COLQ: variants seen among roughly 807,000 people sequenced by gnomAD.
COLQ encodes the protein acetylcholinesterase collagenic tail peptide.
COLQ carries 48 observed loss-of-function variants against 69.0 expected under a neutral mutation model. The observed-to-expected ratio is 0.70, with a 90% CI of 0.55 to 0.88. The LOEUF (loss-of-function observed/expected upper bound fraction) is 0.88, where lower values mean the gene tolerates loss of function less well. Among genes scored for constraint, COLQ ranks in the 40% least tolerant of loss-of-function variants. COLQ has a pLI of 0.00. For synonymous variants in COLQ, 217 were observed against 211.2 expected, an observed-to-expected ratio of 1.03 and a Z score of -0.24; for missense variants, 618 against 594.6, an observed-to-expected ratio of 1.04 and a Z score of -0.41.
At position 15,497,132 on chromosome 3, in the gene COLQ, C is replaced by T. The variant is rs545685326; in HGVS notation, c.107-7495G>A. Among the ~76,000 whole-genome samples, 8 of 151,498 alleles carry T rather than the reference C, an allele frequency of 5.3e-5. 1 individual carries two copies. In the South Asian group the frequency reaches 1.3e-3, roughly 24 times the overall value. On this transcript the variant is annotated intron_variant, in intron 1 of 16. Transcript: ENST00000383788. The stretch of plus-strand genomic sequence containing the variant: ...GTTCTCAGCCCACTGCAACCTCCGC[C>T]TCCAGGGTTCAAGCCACTCTCATGC...
intron 12 of COLQ, among the ~76,000 whole-genome samples, chr3:15,460,665 G>A (rs2062098993): frequency 6.6e-6 from 1 of 152,208 alleles, no homozygotes; most frequent in Admixed American, 6.5e-5. Context: ...ACAGCATGAG[G>A]GGAAGGGCAC....
At position 15,482,578 on chromosome 3, in the gene COLQ, T is replaced by C. The variant is rs1268676919; in HGVS notation, c.322-3196A>G. Among the ~76,000 whole-genome samples the C allele has an allele frequency of 2.0e-5, 3 of 152,358 alleles. No homozygotes were observed. In the East Asian group the frequency reaches 5.8e-4, roughly 29 times the overall value. On this transcript the variant is annotated intron_variant, in intron 3 of 16. Coordinates refer to ENST00000383788, the MANE Select transcript of COLQ (RefSeq NM_005677.4). ...ATGAAGCCCACTTGATCATGGTGGATAAGCTTTTTGATGTGCTGCTGGATT... is the reference window on the plus strand; with the variant it reads ...ATGAAGCCCACTTGATCATGGTGGACAAGCTTTTTGATGTGCTGCTGGATT...
intron 1 of COLQ, among the ~76,000 whole-genome samples, chr3:15,510,176 A>C (rs940216033): frequency 7.5e-5 from 11 of 147,056 alleles, no homozygotes; most frequent in Non-Finnish European, 1.2e-4. Flanking sequence ...ACTCTGTCTA[A>C]AAAAAAAAAA....
At position 15,476,234 on chromosome 3, in the gene COLQ, A is replaced by G. The variant is rs73146149; in HGVS notation, c.466-747T>C. Among the ~76,000 whole-genome samples the G allele has an allele frequency of 5.1e-3, 782 of 152,348 alleles. 5 individuals carry two copies. Among genetic ancestry groups the G allele is most frequent in the African/African-American group, 0.017 (717 of 41,578 alleles). ...TATTTAATCTGTACTTAGAGATCAT[A>G]AAATTTATAGTTGAAAAAGCAGATT... On this transcript the variant is annotated intron_variant, in intron 6 of 16. Transcript: ENST00000383788.
At chr3:15,471,896 A>G (rs1446155981) in intron 10 of COLQ, among the ~76,000 whole-genome samples, 1 of 151,910 alleles carries the variant, frequency 6.6e-6, no homozygotes, top group Non-Finnish European at 1.5e-5. Context: ...AGATGCTTGC[A>G]GTTTTTCCCT....
intron 1 of COLQ, among the ~76,000 whole-genome samples, chr3:15,501,760 C>T (rs942797223): frequency 1.3e-5 from 2 of 152,228 alleles, no homozygotes; most frequent in Non-Finnish European, 1.5e-5. Context: ...CCTGGTCTGC[C>T]TTCAGCAAGA....
chr3:15,467,871 T>C, intron 11 of COLQ: 1 of 456,780 alleles, frequency 2.2e-6, no homozygotes, highest in Non-Finnish European at 4.4e-6. Context: ...CACATGGCAC[T>C]GGGGGCCGTC....
At chr3:15,456,127 G>C (rs2062021377) in intron 14 of COLQ, 108 bp from the exon 15 acceptor site, 1 of 1,308,766 alleles carries the variant, frequency 7.6e-7, no homozygotes, top group East Asian at 2.4e-5. Context: ...GGCATGCCTT[G>C]ACTTCCTCCC....
chr3:15,479,093 G>C lies in COLQ; in HGVS notation c.367-90C>G, dbSNP rs2062431873. 14 of 1,515,620 alleles carry C rather than the reference G, an allele frequency of 9.2e-6. 1 individual carries two copies. Among genetic ancestry groups the C allele is most frequent in the Non-Finnish European group, 1.3e-5 (14 of 1,090,914 alleles). 93.9% of individuals were successfully genotyped at this position (1,515,620 alleles called of 1,614,324 possible). ...TTAGTAGAGCTGATGACTGGGCATG[G>C]CCATGTGGCTCAGTTGCTTGGCTGC... On this transcript the variant is annotated intron_variant, in intron 4 of 16. Coordinates refer to ENST00000383788, the MANE Select transcript of COLQ (RefSeq NM_005677.4).
chr3:15,509,910 C>A (rs375326201), intron 1 of COLQ, among the ~76,000 whole-genome samples: 1 of 152,130 alleles, frequency 6.6e-6, no homozygotes, highest in Non-Finnish European at 1.5e-5. Flanking sequence ...CGGTGGCTCA[C>A]GCCTGTAATC....
chr3:15,467,813 G>T (rs2062222179), intron 11 of COLQ: 2 of 455,272 alleles, frequency 4.4e-6, no homozygotes, highest in South Asian at 3.1e-5. Flanking sequence ...AGGCAGGCTT[G>T]GGACTCCTTT....
At chr3:15,489,250 T>C (rs1041903039) in intron 2 of COLQ, among the ~76,000 whole-genome samples, 16 of 152,328 alleles carry the variant, frequency 1.1e-4, no homozygotes, top group African/African-American at 3.9e-4. Flanking sequence ...ATTCACCTCA[T>C]GGTTTTTGAG....
chr3:15,486,771 C>T lies in COLQ; in HGVS notation c.321+1435G>A, dbSNP rs1312547692. ...AATTACGGAGAACCTATACCAACCC[C>T]GTGCACTGTTGTAGACAGGGAATAT... On this transcript the variant is annotated intron_variant, in intron 3 of 16. Transcript: ENST00000383788. 2.6e-5 allele frequency among the ~76,000 whole-genome samples: 4 copies of T among 152,170 alleles called. No homozygotes were observed. In the East Asian group the frequency reaches 5.8e-4, roughly 22 times the overall value.
At chr3:15,503,482 C>T (rs1174708770) in intron 1 of COLQ, among the ~76,000 whole-genome samples, 1 of 152,058 alleles carries the variant, frequency 6.6e-6, no homozygotes, top group Non-Finnish European at 1.5e-5. Context: ...GGTGCACTGC[C>T]CCCAACCAGG....
intron 5 of COLQ, 76 bp downstream of exon 5, chr3:15,478,901 C>T (rs923384150): frequency 1.3e-6 from 2 of 1,571,480 alleles, no homozygotes; most frequent in Admixed American, 3.3e-5. Context: ...TTGCTGTTCC[C>T]CCCTCCCTAG....
chr3:15,468,956 A>C (rs2062241215), intron 11 of COLQ, among the ~76,000 whole-genome samples: 10 of 152,196 alleles, frequency 6.6e-5, no homozygotes, highest in Admixed American at 6.5e-4. Flanking sequence ...CTTAACAATA[A>C]CTTTCAGAGA....
At chr3:15,479,696 CAA>C (rs755428009) in intron 3 of COLQ, among the ~76,000 whole-genome samples, 3 of 152,200 alleles carry the variant, frequency 2.0e-5, no homozygotes, top group Non-Finnish European at 2.9e-5. Context: ...TTGAGAGCAA[CAA>C]AAGAGTCTTG....
intron 5 of COLQ, 39 bp from the exon 6 acceptor site, chr3:15,477,236 T>C (rs902614650): frequency 8.4e-6 from 13 of 1,553,010 alleles, no homozygotes; most frequent in Admixed American, 7.5e-5. Context: ...CAACTGGGTT[T>C]GTTTCTTTAC....
intron 1 of COLQ, among the ~76,000 whole-genome samples, chr3:15,497,172 C>T (rs149490222): frequency 6.6e-6 from 1 of 151,682 alleles, no homozygotes; most frequent in East Asian, 1.9e-4. Flanking sequence ...GTCTCCTGAG[C>T]AGCTGGGATT....
Sources: gnomAD v4.1 joint callset for allele counts (sites outside exome capture counted in the v4.1 genomes callset) on GRCh38, gnomAD v4.1.1 for gene constraint, MANE v1.5 for transcripts, NCBI Gene and HGNC (gene_info 2026-07-23, HGNC 2026-07-21) for gene names.